The following MYO9A variants were observed in gnomAD, a reference collection of about 807,000 sequenced individuals.
The protein encoded by MYO9A is unconventional myosin-IXa.
MYO9A carries 103 observed loss-of-function variants against 293.3 expected under a neutral mutation model. The observed-to-expected ratio is 0.35, with a 90% CI of 0.30 to 0.41. MYO9A has a LOEUF of 0.41. MYO9A is among the 10% of genes least tolerant of loss of function. The pLI is 1.00. For synonymous variants in MYO9A, 1,001 were observed against 1,035.7 expected, an observed-to-expected ratio of 0.97 and a Z score of 0.64; for missense variants, 2,685 against 3,033.0, an observed-to-expected ratio of 0.89 and a Z score of 2.69.
chr15:72,107,240 T>C (rs2080601135), intron 1 of MYO9A, among the ~76,000 whole-genome samples: 1 of 152,090 alleles, frequency 6.6e-6, no homozygotes. Flanking sequence ...ACTTAGCACC[T>C]AAATAGTGGT....
intron 36 of MYO9A, 118 bp from the exon 37 acceptor site, chr15:71,851,476 T>C (rs1596027742): frequency 3.0e-6 from 2 of 670,822 alleles, no homozygotes; most frequent in East Asian, 2.8e-5. Flanking sequence ...TAGTTGTACC[T>C]GTAGGGCAGG....
At chr15:72,101,646 G>A in intron 1 of MYO9A, among the ~76,000 whole-genome samples, 1 of 141,256 alleles carries the variant, frequency 7.1e-6, no homozygotes, top group Non-Finnish European at 1.6e-5. Flanking sequence ...GAGGTGGGGG[G>A]GTCAGGCCCC....
intron 1 of MYO9A, among the ~76,000 whole-genome samples, chr15:72,093,945 T>C (rs2079999082): frequency 1.1e-5 from 1 of 89,754 alleles, no homozygotes; most frequent in African/African-American, 2.6e-5. Context: ...CATTGAAAAG[T>C]AGTGAACTTA....
At chr15:71,999,178 G>T (rs1007405732) in intron 9 of MYO9A, 1 of 152,028 alleles carries the variant, frequency 6.6e-6, no homozygotes, top group East Asian at 1.9e-4. Flanking sequence ...TCATATTCCT[G>T]TCCAATTTTT....
intron 1 of MYO9A, among the ~76,000 whole-genome samples, chr15:72,055,080 G>A (rs951886816): frequency 6.6e-6 from 1 of 152,120 alleles, no homozygotes; most frequent in Non-Finnish European, 1.5e-5. Flanking sequence ...GGTGCTGAAA[G>A]AAAACATATT....
chr15:71,932,340 C>A (rs984934189), intron 18 of MYO9A, among the ~76,000 whole-genome samples: 3 of 151,992 alleles, frequency 2.0e-5, no homozygotes, highest in Non-Finnish European at 4.4e-5. Flanking sequence ...TTCAGTGTCC[C>A]ATCAATTCCC....
In MYO9A at chr15:71,951,906, CA is replaced by C. The variant is rs142383123; in HGVS notation, c.2183-11del. On this transcript the variant is annotated splice_polypyrimidine_tract_variant and intron_variant, in intron 14 of 41. Coordinates refer to ENST00000356056, the MANE Select transcript of MYO9A (RefSeq NM_006901.4). ...GCTGTATCATCATGTCCTTAGGAAG[CA>C]AAAAAAAACAAACAAAAAAAAAAGG... 1.2e-4 allele frequency: 159 copies of C among 1,380,448 alleles called. No homozygotes were observed. The highest frequency in any genetic ancestry group is 2.6e-4 in the South Asian group (15 of 58,530). 85.5% of individuals were successfully genotyped at this position (1,380,448 alleles called of 1,614,324 possible). A position where few individuals can be genotyped will look rare whatever the true frequency, so the allele number is the denominator to read the frequency against.
At chr15:72,053,276 C>T (rs2078624109) in intron 1 of MYO9A, among the ~76,000 whole-genome samples, 1 of 151,954 alleles carries the variant, frequency 6.6e-6, no homozygotes, top group South Asian at 2.1e-4. Context: ...CAGGGTGCTG[C>T]GTGCCTGTAA....
At chr15:71,968,547 T>C (rs1016673381) in intron 12 of MYO9A, among the ~76,000 whole-genome samples, 4 of 152,202 alleles carry the variant, frequency 2.6e-5, no homozygotes, top group African/African-American at 9.6e-5. Flanking sequence ...TAAGAATTAT[T>C]TGACTTCCTG....
At chr15:71,926,672 A>T (rs888167689) in intron 18 of MYO9A, among the ~76,000 whole-genome samples, 8 of 152,068 alleles carry the variant, frequency 5.3e-5, no homozygotes, top group Admixed American at 2.0e-4. Context: ...GTACCACTGT[A>T]CTCCAGCCTG....
intron 25 of MYO9A, 129 bp downstream of exon 25, chr15:71,897,332 T>C: frequency 1.0e-6 from 1 of 1,004,364 alleles, no homozygotes; most frequent in Non-Finnish European, 1.5e-6. Context: ...AATTAGGGAA[T>C]ATTTTTACAA....
intron 1 of MYO9A, among the ~76,000 whole-genome samples, chr15:72,104,288 T>C (rs1414587383): frequency 1.3e-5 from 2 of 152,188 alleles, no homozygotes; most frequent in Non-Finnish European, 2.9e-5. Flanking sequence ...AGCTAAGCTA[T>C]TATATTTGGT....
intron 18 of MYO9A, among the ~76,000 whole-genome samples, chr15:71,929,472 C>G (rs1019929336): frequency 6.6e-6 from 1 of 152,134 alleles, no homozygotes; most frequent in Non-Finnish European, 1.5e-5. Flanking sequence ...TCCTTCTATA[C>G]CTAATTCGTT....
At chr15:72,098,310 T>C (rs1453822354) in intron 1 of MYO9A, among the ~76,000 whole-genome samples, 1 of 151,426 alleles carries the variant, frequency 6.6e-6, no homozygotes, top group East Asian at 1.9e-4. Context: ...GGAAGGGAAC[T>C]AACACAGAAA....
chr15:72,003,722 T>A (rs33986359), intron 8 of MYO9A, among the ~76,000 whole-genome samples: 1,900 of 135,936 alleles, frequency 0.014, 24 homozygotes, highest in East Asian at 0.026. Context: ...AAAAAAAAAA[T>A]AAGAACTCAA....
At chr15:72,012,610 T>A (rs1466254849) in intron 6 of MYO9A, among the ~76,000 whole-genome samples, 1 of 152,142 alleles carries the variant, frequency 6.6e-6, no homozygotes, top group Non-Finnish European at 1.5e-5. Flanking sequence ...AAGATAAATT[T>A]TTAAACACAT....
At chr15:71,975,111 A>C (rs2076104111) in intron 12 of MYO9A, among the ~76,000 whole-genome samples, 1 of 152,220 alleles carries the variant, frequency 6.6e-6, no homozygotes, top group South Asian at 2.1e-4. Context: ...GACAAGACTG[A>C]AAGGAAGCCT....
At chr15:71,920,488 T>C (rs546362323) in intron 18 of MYO9A, among the ~76,000 whole-genome samples, 1 of 152,170 alleles carries the variant, frequency 6.6e-6, no homozygotes, top group Non-Finnish European at 1.5e-5. Flanking sequence ...GAATGAACCA[T>C]CACTAGACAT....
At chr15:72,052,652 A>G (rs1283933374) in intron 1 of MYO9A, among the ~76,000 whole-genome samples, 1 of 152,084 alleles carries the variant, frequency 6.6e-6, no homozygotes, top group Non-Finnish European at 1.5e-5. Flanking sequence ...GGCATCTTCA[A>G]GCTTCCGAGC....
Sources: allele counts gnomAD v4.1 joint callset (sites outside exome capture counted in the v4.1 genomes callset), GRCh38; gene constraint gnomAD v4.1.1; transcripts MANE v1.5; gene names NCBI Gene and HGNC (gene_info 2026-07-23, HGNC 2026-07-21).